TMOD3: variants seen among roughly 807,000 people sequenced by gnomAD.
TMOD3 encodes tropomodulin-3.
Under a neutral mutation model 39.2 loss-of-function variants are expected in TMOD3, and 20 were observed. The ratio of observed to expected loss-of-function variants is 0.51; its 90% CI spans 0.36 to 0.74. The LOEUF (loss-of-function observed/expected upper bound fraction) is 0.74. Ranked by LOEUF, TMOD3 falls within the 30% of genes least tolerant of loss-of-function variation. TMOD3 has a pLI of 0.00. For synonymous variants in TMOD3, 143 were observed against 145.8 expected (o/e 0.98, Z 0.14); for missense variants, 381 against 412.8 (o/e 0.92, Z 0.67).
chr15:51,896,369 A>G (rs762827255), intron 6 of TMOD3, 50 bp from the exon 7 acceptor site: 10 of 1,331,164 alleles, frequency 7.5e-6, no homozygotes, highest in Non-Finnish European at 1.1e-5. Flanking sequence ...TGGAAACTAA[A>G]TATAATGAAA....
chr15:51,876,651 C>T (rs1429430993), intron 3 of TMOD3, among the ~76,000 whole-genome samples: 11 of 151,680 alleles, frequency 7.3e-5, no homozygotes, highest in African/African-American at 2.2e-4. Flanking sequence ...TTAGTAGAGA[C>T]GGGGTTTCAC....
At chr15:51,864,834 G>C (rs2056437220) in intron 2 of TMOD3, among the ~76,000 whole-genome samples, 1 of 152,090 alleles carries the variant, frequency 6.6e-6, no homozygotes, top group Non-Finnish European at 1.5e-5. Context: ...AAAAAGAGGT[G>C]GTTAGGAGAA....
intron 3 of TMOD3, among the ~76,000 whole-genome samples, chr15:51,870,434 G>A (rs570527315): frequency 6.6e-6 from 1 of 152,306 alleles, no homozygotes; most frequent in South Asian, 2.1e-4. Context: ...GCTCTTGCAG[G>A]CACCATTTTT....
intron 3 of TMOD3, among the ~76,000 whole-genome samples, chr15:51,877,603 C>G (rs2056511171): frequency 6.6e-6 from 1 of 151,690 alleles, no homozygotes; most frequent in Non-Finnish European, 1.5e-5. Context: ...TCTCTTGAAA[C>G]CGGAAGACGG....
chr15:51,903,988 A>T lies in TMOD3; in HGVS notation c.1024+1952A>T, dbSNP rs182598468. ...TACTGTTGTTCTCCTGTTATGCAGG[A>T]TAAGCTGAGGCTCAAAGAAGTTAAC... is the stretch of plus-strand genomic sequence containing the variant. On this transcript the variant is annotated intron_variant, in intron 9 of 9. Transcript: ENST00000308580. Among the ~76,000 whole-genome samples the T allele has an allele frequency of 2.1e-3, 316 of 152,354 alleles. 5 individuals are homozygous for T. The highest frequency in any genetic ancestry group is 1.5e-3 in the Non-Finnish European group (104 of 68,038).
intron 3 of TMOD3, among the ~76,000 whole-genome samples, chr15:51,883,886 C>T (rs372000792): frequency 4.6e-5 from 7 of 152,092 alleles, no homozygotes; most frequent in African/African-American, 1.7e-4. Flanking sequence ...AAATTATGCC[C>T]CCCTGAAATG....
chr15:51,913,976 G>A lies in TMOD3; in HGVS notation c.*5166G>A, dbSNP rs2056722974. On this transcript the variant is annotated 3_prime_UTR_variant, in exon 10 of 10. Transcript: ENST00000308580. ...TGCAGTAAGATGAGATCATGCTGCT[G>A]TACTCTAGCCTGGGCAATGAGAGTG... The A allele has an allele frequency of 7.0e-6, 1 of 142,264 alleles. No homozygotes were observed. Among genetic ancestry groups the A allele is most frequent in the Non-Finnish European group, 1.5e-5 (1 of 66,676 alleles). The allele number at this position is 142,264 out of a possible 1,614,324, so 8.8% of individuals were successfully genotyped here. A position where few individuals can be genotyped will look rare whatever the true frequency, so the allele number is the denominator to read the frequency against.
chr15:51,902,420 G>A (rs1180280365), intron 9 of TMOD3, among the ~76,000 whole-genome samples: 1 of 152,076 alleles, frequency 6.6e-6, no homozygotes, highest in East Asian at 1.9e-4. Context: ...GATAGAATGT[G>A]GATATAGAAA....
chr15:51,894,990 A>G (rs891658321), intron 6 of TMOD3, among the ~76,000 whole-genome samples: 2 of 152,210 alleles, frequency 1.3e-5, no homozygotes, highest in African/African-American at 2.4e-5. Context: ...TTAATTACCA[A>G]AAAGTAAACT....
At chr15:51,890,694 C>G (rs1367583323) in intron 5 of TMOD3, among the ~76,000 whole-genome samples, 2 of 152,318 alleles carry the variant, frequency 1.3e-5, no homozygotes, top group East Asian at 3.9e-4. Context: ...TATCACTTAG[C>G]AGTCGACCGT....
rs1340644858 is a variant in TMOD3, at chr15:51,910,407, C to T, written c.*1597C>T. 6.6e-6 allele frequency: 1 copy of T among 152,262 alleles called. No homozygotes were observed. Among genetic ancestry groups the T allele is most frequent in the Non-Finnish European group, 1.5e-5 (1 of 68,144 alleles). 9.4% of individuals were successfully genotyped at this position (152,262 alleles called of 1,614,324 possible). Reference sequence around the variant, plus strand: ...CCTGGCCAACATGGTGAAACCCTGTCTCTACTAAAAATCAAAAAAGTAGCC... The same window carrying T: ...CCTGGCCAACATGGTGAAACCCTGTTTCTACTAAAAATCAAAAAAGTAGCC... On this transcript the variant is annotated 3_prime_UTR_variant, in exon 10 of 10. Coordinates refer to ENST00000308580, the MANE Select transcript of TMOD3 (RefSeq NM_014547.5).
chr15:51,878,900 A>G (rs547154855), intron 3 of TMOD3, among the ~76,000 whole-genome samples: 3 of 152,348 alleles, frequency 2.0e-5, no homozygotes, highest in Admixed American at 6.5e-5. Flanking sequence ...GTAGGAATGA[A>G]GTAACCAAGA....
intron 3 of TMOD3, among the ~76,000 whole-genome samples, chr15:51,876,011 C>T (rs183472152): frequency 3.1e-4 from 47 of 152,050 alleles, no homozygotes; most frequent in Non-Finnish European, 5.7e-4. Flanking sequence ...ATGAATTGTC[C>T]CTTTTGTTAT....
At chr15:51,853,481 G>C (rs185702781) in intron 1 of TMOD3, among the ~76,000 whole-genome samples, 1 of 152,168 alleles carries the variant, frequency 6.6e-6, no homozygotes, top group Admixed American at 6.5e-5. Flanking sequence ...GATGACAGGC[G>C]TGAGCCACTG....
intron 2 of TMOD3, among the ~76,000 whole-genome samples, chr15:51,866,523 GA>G (rs984668340): frequency 3.0e-4 from 45 of 151,616 alleles, no homozygotes; most frequent in South Asian, 1.0e-3. Context: ...AAGAAAGAAA[GA>G]AAAAAAAGGC....
In TMOD3 at chr15:51,913,610, A is replaced by T. The variant is rs1818968126; in HGVS notation, c.*4800A>T. 2 of 152,196 alleles carry T rather than the reference A, an allele frequency of 1.3e-5. No homozygotes were observed. Among genetic ancestry groups the T allele is most frequent in the Admixed American group, 6.5e-5 (1 of 15,284 alleles). 9.4% of individuals were successfully genotyped at this position (152,196 alleles called of 1,614,324 possible). On this transcript the variant is annotated 3_prime_UTR_variant, in exon 10 of 10. Coordinates refer to ENST00000308580, the MANE Select transcript of TMOD3 (RefSeq NM_014547.5). ...ATAAAACATATTTTATTAATTTTAA[A>T]CTCTATCTTGCAGTCTGATCATTCA...
intron 1 of TMOD3, among the ~76,000 whole-genome samples, chr15:51,832,602 C>T (rs1176977302): frequency 6.6e-6 from 1 of 151,864 alleles, no homozygotes; most frequent in Non-Finnish European, 1.5e-5. Context: ...GAGACTGAGG[C>T]AGGAGTACCA....
chr15:51,834,665 T>C (rs1406775848), intron 1 of TMOD3, among the ~76,000 whole-genome samples: 1 of 152,166 alleles, frequency 6.6e-6, no homozygotes, highest in Non-Finnish European at 1.5e-5. Context: ...ACCACATTTC[T>C]ACTAAAAATA....
chr15:51,834,250 C>T (rs1051473582), intron 1 of TMOD3, among the ~76,000 whole-genome samples: 3 of 152,006 alleles, frequency 2.0e-5, no homozygotes, highest in African/African-American at 7.2e-5. Flanking sequence ...TCTACTTTCT[C>T]AATGATATTG....
Sources: gnomAD v4.1 joint callset for allele counts (sites outside exome capture counted in the v4.1 genomes callset) on GRCh38, gnomAD v4.1.1 for gene constraint, MANE v1.5 for transcripts, NCBI Gene and HGNC (gene_info 2026-07-23, HGNC 2026-07-21) for gene names.